The following ATP8A2 variants were observed in gnomAD, a reference collection of about 807,000 sequenced individuals.
ATP8A2 encodes phospholipid-transporting ATPase IB.
ATP8A2 carries 100 observed loss-of-function variants against 165.6 expected under a neutral mutation model. That is an observed-to-expected ratio of 0.60 (90% CI 0.51 to 0.71). ATP8A2 has a LOEUF of 0.71. ATP8A2 is among the 30% of genes least tolerant of loss of function. ATP8A2 has a pLI of 0.00. For synonymous variants in ATP8A2, 543 were observed against 548.8 expected (o/e 0.99, Z 0.15); for missense variants, 1,227 against 1,479.5 (o/e 0.83, Z 2.80).
At chr13:25,381,334 A>G (rs1445034501) in intron 1 of ATP8A2, among the ~76,000 whole-genome samples, 1 of 152,180 alleles carries the variant, frequency 6.6e-6, no homozygotes, top group Admixed American at 6.5e-5. Flanking sequence ...GCTACTGCAC[A>G]TTTTCTCCAT....
At chr13:25,674,946 C>T (rs1181260260) in intron 24 of ATP8A2, among the ~76,000 whole-genome samples, 1 of 152,192 alleles carries the variant, frequency 6.6e-6, no homozygotes, top group Non-Finnish European at 1.5e-5. Flanking sequence ...AGTTTGAAAG[C>T]AAATTTCAGT....
chr13:25,580,009 G>A, intron 22 of ATP8A2, 62 bp downstream of exon 22: 5 of 1,579,594 alleles, frequency 3.2e-6, no homozygotes, highest in Non-Finnish European at 4.3e-6. Context: ...ATTTCACAAA[G>A]TATTTGAACA....
intron 33 of ATP8A2, among the ~76,000 whole-genome samples, chr13:25,872,637 A>G (rs1952710258): frequency 6.6e-6 from 1 of 152,136 alleles, no homozygotes; most frequent in Non-Finnish European, 1.5e-5. Context: ...AGGGAAGGAA[A>G]TAGGAGCTTT....
At chr13:26,001,998 C>T (rs1956638710) in intron 35 of ATP8A2, among the ~76,000 whole-genome samples, 2 of 152,116 alleles carry the variant, frequency 1.3e-5, no homozygotes, top group South Asian at 4.1e-4. Context: ...TATATTTATG[C>T]TTTTTATTAA....
chr13:25,747,279 G>A (rs2138178868), intron 25 of ATP8A2, among the ~76,000 whole-genome samples: 1 of 152,312 alleles, frequency 6.6e-6, no homozygotes, highest in South Asian at 2.1e-4. Context: ...CAGGCAAACA[G>A]GCCTCATCTG....
intron 22 of ATP8A2, 102 bp from the exon 23 acceptor site, chr13:25,581,717 C>A: frequency 2.7e-6 from 3 of 1,123,230 alleles, no homozygotes; most frequent in South Asian, 1.3e-5. Context: ...GGAAATAGAA[C>A]AACTGTCTCA....
chr13:25,516,799 G>C (rs79932040), intron 2 of ATP8A2, among the ~76,000 whole-genome samples: 1 of 47,124 alleles, frequency 2.1e-5, no homozygotes, highest in Admixed American at 2.5e-4. Context: ...TTTTTTTTTT[G>C]AGACGGAGTT....
At chr13:25,617,202 C>A (rs1292819715) in intron 24 of ATP8A2, among the ~76,000 whole-genome samples, 2 of 152,170 alleles carry the variant, frequency 1.3e-5, no homozygotes, top group Non-Finnish European at 1.5e-5. Flanking sequence ...AAACCGAATG[C>A]AAGCTTTGTT....
chr13:25,524,483 T>C (rs1204531686), intron 2 of ATP8A2, among the ~76,000 whole-genome samples: 1 of 152,170 alleles, frequency 6.6e-6, no homozygotes. Flanking sequence ...TACTATTGTA[T>C]TGCAGTCTAT....
intron 25 of ATP8A2, among the ~76,000 whole-genome samples, chr13:25,746,968 T>C (rs1305088457): frequency 6.6e-6 from 1 of 152,156 alleles, no homozygotes; most frequent in Admixed American, 6.5e-5. Flanking sequence ...TTCCCTCCAT[T>C]GTGGGGAAAC....
intron 32 of ATP8A2, among the ~76,000 whole-genome samples, chr13:25,861,144 A>G (rs1037170956): frequency 6.6e-6 from 1 of 152,222 alleles, no homozygotes; most frequent in African/African-American, 2.4e-5. Flanking sequence ...ACACACATAT[A>G]TGGAAAATAT....
chr13:25,531,235 GAT>G (rs146402194), intron 4 of ATP8A2, among the ~76,000 whole-genome samples: 1,696 of 100,804 alleles, frequency 0.017, 23 homozygotes, highest in Non-Finnish European at 0.022. Context: ...TGTTATATAT[GAT>G]ATATATGTTA....
At chr13:25,530,185 T>C in intron 3 of ATP8A2, 87 bp downstream of exon 3, 1 of 809,020 alleles carries the variant, frequency 1.2e-6, no homozygotes, top group Non-Finnish European at 2.0e-6. Context: ...GCTAAAGTGT[T>C]ATAATCTTGG....
In ATP8A2 at chr13:25,862,558, A is replaced by G. The variant is rs1770943717; in HGVS notation, c.3183+150A>G. 6.4e-6 allele frequency: 4 copies of G among 625,106 alleles called. No individual in the cohort carries two copies. In the Admixed American group the frequency reaches 7.3e-5, roughly 11 times the overall value. 38.7% of individuals were successfully genotyped at this position (625,106 alleles called of 1,614,324 possible). A position where few individuals can be genotyped will look rare whatever the true frequency, so the allele number is the denominator to read the frequency against. ...TGCTTCCATCAGAATCTATCAGGAG[A>G]TAAACCAAACCAAAGCACCTGGAAG... is the stretch of plus-strand genomic sequence containing the variant. On this transcript the variant is annotated intron_variant, in intron 33 of 36. Coordinates refer to ENST00000381655, the MANE Select transcript of ATP8A2 (RefSeq NM_016529.6).
In ATP8A2 at chr13:25,924,642, T is replaced by TGG. The variant is rs75949943; in HGVS notation, c.3184-36927_3184-36926dup. On this transcript the variant is annotated intron_variant, in intron 33 of 36. Coordinates refer to ENST00000381655, the MANE Select transcript of ATP8A2 (RefSeq NM_016529.6). ...AAGGGCTAGGGCTTCAACATTTGAT[T>TGG]GGGGGGGAATACTTAATGTATAATG... is the stretch of plus-strand genomic sequence containing the variant. 3.9e-3 allele frequency among the ~76,000 whole-genome samples: 590 copies of TGG among 151,864 alleles called. 1 individual carries two copies. Among genetic ancestry groups the TGG allele is most frequent in the African/African-American group, 0.013 (523 of 41,364 alleles).
At chr13:25,609,352 C>A (rs2040596968) in intron 24 of ATP8A2, among the ~76,000 whole-genome samples, 1 of 151,568 alleles carries the variant, frequency 6.6e-6, no homozygotes, top group African/African-American at 2.4e-5. Flanking sequence ...TAGGAAAAAT[C>A]CATTGCATTC....
At chr13:25,731,846 T>A (rs1302222754) in intron 25 of ATP8A2, among the ~76,000 whole-genome samples, 1 of 152,062 alleles carries the variant, frequency 6.6e-6, no homozygotes, top group African/African-American at 2.4e-5. Context: ...TAAGCAAGAG[T>A]CTTGCTAACA....
intron 24 of ATP8A2, among the ~76,000 whole-genome samples, chr13:25,628,326 C>CAAA (rs1268965053): frequency 2.0e-5 from 3 of 152,144 alleles, no homozygotes. Flanking sequence ...CTTTGCTTTA[C>CAAA]CCTTTATGTT....
chr13:25,623,154 C>T (rs561322581), intron 24 of ATP8A2, among the ~76,000 whole-genome samples: 1 of 152,212 alleles, frequency 6.6e-6, no homozygotes, highest in African/African-American at 2.4e-5. Context: ...GAGGCCAAGG[C>T]GGGAGGATCG....
Sources: gnomAD v4.1 joint callset for allele counts (sites outside exome capture counted in the v4.1 genomes callset) on GRCh38, gnomAD v4.1.1 for gene constraint, MANE v1.5 for transcripts, NCBI Gene and HGNC (gene_info 2026-07-23, HGNC 2026-07-21) for gene names.